REC114: variants seen among roughly 807,000 people sequenced by gnomAD.
The protein encoded by REC114 is REC114 meiotic recombination protein.
Under a neutral mutation model 31.3 loss-of-function variants are expected in REC114, and 27 were observed. That is an observed-to-expected ratio of 0.86 (90% CI 0.64 to 1.19). The LOEUF is 1.19. REC114 is among the 50% of genes most tolerant of loss of function. The pLI is 0.00. For synonymous variants in REC114, 134 were observed against 127.7 expected (o/e 1.05, Z -0.33); for missense variants, 344 against 326.9 (o/e 1.05, Z -0.40).
At chr15:73,536,475 C>G (rs892069977) in intron 2 of REC114, among the ~76,000 whole-genome samples, 1 of 152,152 alleles carries the variant, frequency 6.6e-6, no homozygotes, top group South Asian at 2.1e-4. Context: ...GTGATGTTAA[C>G]CGCATGTTTA....
intron 2 of REC114, among the ~76,000 whole-genome samples, chr15:73,524,176 G>A (rs777193349): frequency 1.3e-5 from 2 of 152,124 alleles, no homozygotes; most frequent in Non-Finnish European, 1.5e-5. Context: ...CCCTATTAGA[G>A]CAACATGGAT....
At chr15:73,478,259 GT>G (rs1893241919) in intron 2 of REC114, among the ~76,000 whole-genome samples, 1 of 82,128 alleles carries the variant, frequency 1.2e-5, no homozygotes, top group South Asian at 4.8e-4. Context: ...GTGAGACTCT[GT>G]CTCAAAAAAA....
At chr15:73,481,728 G>A (rs1413518557) in intron 2 of REC114, among the ~76,000 whole-genome samples, 3 of 140,028 alleles carry the variant, frequency 2.1e-5, no homozygotes, top group Non-Finnish European at 3.0e-5. Context: ...GAACAGTCTC[G>A]GCTCACCGCA....
At chr15:73,466,953 G>A (rs1893069760) in intron 1 of REC114, among the ~76,000 whole-genome samples, 1 of 152,184 alleles carries the variant, frequency 6.6e-6, no homozygotes, top group South Asian at 2.1e-4. Flanking sequence ...GGAGGGAAAA[G>A]CCAACTGCAT....
chr15:73,474,871 C>T (rs1035444763), intron 2 of REC114, among the ~76,000 whole-genome samples: 15 of 152,060 alleles, frequency 9.9e-5, no homozygotes, highest in African/African-American at 2.7e-4. Flanking sequence ...TTCATATTTC[C>T]GCTTAAATAT....
At chr15:73,480,332 A>T (rs1037160376) in intron 2 of REC114, among the ~76,000 whole-genome samples, 5 of 151,576 alleles carry the variant, frequency 3.3e-5, no homozygotes, top group African/African-American at 4.8e-5. Flanking sequence ...TAATAAATAA[A>T]TTATTTAAAT....
chr15:73,525,483 T>G (rs1893992703), intron 2 of REC114, among the ~76,000 whole-genome samples: 1 of 152,076 alleles, frequency 6.6e-6, no homozygotes, highest in African/African-American at 2.4e-5. Context: ...TCATAAGCTT[T>G]CCTTTGAGTA....
chr15:73,532,155 C>T (rs1894094927), intron 2 of REC114, among the ~76,000 whole-genome samples: 1 of 150,554 alleles, frequency 6.6e-6, no homozygotes, highest in South Asian at 2.1e-4. Flanking sequence ...CCACAACAGT[C>T]CCCAGAGTGT....
At chr15:73,542,725 G>A (rs965922139) in intron 3 of REC114, among the ~76,000 whole-genome samples, 2 of 152,130 alleles carry the variant, frequency 1.3e-5, no homozygotes, top group African/African-American at 4.8e-5. Context: ...TTATAAAATG[G>A]GGATTGTAGT....
At chr15:73,514,032 C>T (rs886802392) in intron 2 of REC114, among the ~76,000 whole-genome samples, 3 of 152,116 alleles carry the variant, frequency 2.0e-5, no homozygotes. Flanking sequence ...TGGCGGGCGC[C>T]CCTCCCCCAG....
intron 2 of REC114, among the ~76,000 whole-genome samples, chr15:73,518,412 C>G (rs1216210758): frequency 4.6e-5 from 7 of 152,212 alleles, no homozygotes; most frequent in African/African-American, 1.7e-4. Context: ...GGTTCCTGGC[C>G]ACATCAGGCT....
At chr15:73,475,770 A>C (rs1460792341) in intron 2 of REC114, among the ~76,000 whole-genome samples, 1 of 152,194 alleles carries the variant, frequency 6.6e-6, no homozygotes, top group East Asian at 1.9e-4. Context: ...ACACTTAATT[A>C]GGATAGTTAA....
At position 73,556,394 on chromosome 15, in the gene REC114, A is replaced by G; in HGVS notation, c.636+3A>G. The G allele has an allele frequency of 2.5e-6, 4 of 1,611,022 alleles. No homozygotes were observed. The highest frequency in any genetic ancestry group is 3.4e-6 in the Non-Finnish European group (4 of 1,177,996). On this transcript the variant is annotated splice_donor_region_variant and intron_variant, in intron 5 of 5. Coordinates refer to ENST00000331090, the MANE Select transcript of REC114 (RefSeq NM_001042367.2). The stretch of plus-strand genomic sequence containing the variant: ...CCTCACTGACGCAGTTAGCTCAGGT[A>G]GAGCTTATTTCTGTGTTCAATTTTC...
chr15:73,508,459 T>C (rs1171303332), intron 2 of REC114, among the ~76,000 whole-genome samples: 5 of 151,604 alleles, frequency 3.3e-5, no homozygotes, highest in Non-Finnish European at 4.4e-5. Flanking sequence ...TTTTTTTAAT[T>C]ATACTTTAAG....
chr15:73,458,643 A>G (rs1023240234), intron 1 of REC114, among the ~76,000 whole-genome samples: 1 of 152,238 alleles, frequency 6.6e-6, no homozygotes, highest in Non-Finnish European at 1.5e-5. Context: ...TCTGCTGTGC[A>G]TGGCCATGGT....
chr15:73,557,186 T>C (rs1199273460), intron 5 of REC114, among the ~76,000 whole-genome samples: 1 of 151,586 alleles, frequency 6.6e-6, no homozygotes, highest in East Asian at 1.9e-4. Flanking sequence ...TTTCCTGCCT[T>C]AGCCTCCTGA....
At chr15:73,491,902 GAA>G (rs34716056) in intron 2 of REC114, among the ~76,000 whole-genome samples, 4 of 143,476 alleles carry the variant, frequency 2.8e-5, no homozygotes, top group South Asian at 4.4e-4. Context: ...TCTGTCTCAA[GAA>G]AAAAAAAAAA....
rs187970974 is a variant in REC114, at chr15:73,500,490, T to A, written c.249+26569T>A. On this transcript the variant is annotated intron_variant, in intron 2 of 5. Coordinates refer to ENST00000331090, the MANE Select transcript of REC114 (RefSeq NM_001042367.2). Reference sequence around the variant, plus strand: ...ATGGTGATAGAAGTCAGGATAGCAGTACCTTTGGCAGCAGGTGAGATGGAG... The same window carrying A: ...ATGGTGATAGAAGTCAGGATAGCAGAACCTTTGGCAGCAGGTGAGATGGAG... 2.0e-3 allele frequency among the ~76,000 whole-genome samples: 297 copies of A among 152,286 alleles called. 1 individual carries two copies. The highest frequency in any genetic ancestry group is 2.9e-3 in the Non-Finnish European group (197 of 68,018).
intron 2 of REC114, among the ~76,000 whole-genome samples, chr15:73,503,112 T>C (rs376722259): frequency 6.6e-6 from 1 of 152,242 alleles, no homozygotes. Context: ...TTTAGCAATA[T>C]TTTGTAAAGT....
Sources: allele counts gnomAD v4.1 joint callset (sites outside exome capture counted in the v4.1 genomes callset), GRCh38; gene constraint gnomAD v4.1.1; transcripts MANE v1.5; gene names NCBI Gene and HGNC (gene_info 2026-07-23, HGNC 2026-07-21).